Variants in LANCL2 observed in about 807,000 individuals in gnomAD.
LANCL2 encodes lanC-like protein 2.
A neutral mutation model predicts 56.9 loss-of-function variants in LANCL2; 33 were observed. The ratio of observed to expected loss-of-function variants is 0.58; its 90% CI spans 0.44 to 0.78. LANCL2 has a LOEUF of 0.78. Among genes scored for constraint, LANCL2 ranks in the 30% least tolerant of loss-of-function variants. LANCL2 has a pLI of 0.00. For synonymous variants in LANCL2, 233 were observed against 228.2 expected (o/e 1.02, Z -0.19); for missense variants, 562 against 580.2 (o/e 0.97, Z 0.32).
At chr7:55,415,002 GAA>G (rs397824594) in intron 6 of LANCL2, among the ~76,000 whole-genome samples, 4 of 116,302 alleles carry the variant, frequency 3.4e-5, no homozygotes, top group African/African-American at 1.0e-4. Context: ...AAAAAAAAAA[GAA>G]AAGAAAAGAA....
At chr7:55,421,135 A>G (rs1193999831) in intron 6 of LANCL2, among the ~76,000 whole-genome samples, 1 of 152,160 alleles carries the variant, frequency 6.6e-6, no homozygotes, top group Non-Finnish European at 1.5e-5. Flanking sequence ...CTAGTCTAAT[A>G]ATCTCAGTGT....
chr7:55,368,964 G>A (rs1789906826), intron 1 of LANCL2, among the ~76,000 whole-genome samples: 1 of 152,178 alleles, frequency 6.6e-6, no homozygotes, highest in South Asian at 2.1e-4. Context: ...GGGCAACATA[G>A]TGAGACCCTG....
In LANCL2 at chr7:55,401,289, G is replaced by A; in HGVS notation, c.794G>A (p.Gly265Asp). The A allele has an allele frequency of 6.2e-7, 1 of 1,614,046 alleles. No individual in the cohort carries two copies. Among genetic ancestry groups the A allele is most frequent in the Non-Finnish European group, 8.5e-7 (1 of 1,179,944 alleles). Residue 265 changes from glycine to aspartate, a missense_variant, in exon 5 of 9, where the codon GGC becomes GAC. This residue lies in a region of LANCL2 where 378 missense variants were observed against 468.4 expected (regional missense o/e 0.81). Coordinates refer to ENST00000254770, the MANE Select transcript of LANCL2 (RefSeq NM_018697.4). ...AAGCAGTACGTTGGAGCAGCCCATGGCATGGCTGGAATTTACTATATGTTA... is the reference window on the plus strand; with the variant it reads ...AAGCAGTACGTTGGAGCAGCCCATGACATGGCTGGAATTTACTATATGTTA... The part of the protein sequence containing the change: ...HRKQYVGAAH[G>D]MAGIYYMLMQ...
At chr7:55,381,213 G>A (rs1562858147) in intron 1 of LANCL2, among the ~76,000 whole-genome samples, 1 of 152,194 alleles carries the variant, frequency 6.6e-6, no homozygotes, top group Non-Finnish European at 1.5e-5. Flanking sequence ...TGCATTCCCT[G>A]TGAAGGAAGT....
At chr7:55,379,912 C>T (rs1790047214) in intron 1 of LANCL2, 1 of 152,208 alleles carries the variant, frequency 6.6e-6, no homozygotes, top group Non-Finnish European at 1.5e-5. Context: ...AATATTGATA[C>T]TGTGTTTTTT....
chr7:55,378,907 C>T (rs1379379041), intron 1 of LANCL2, among the ~76,000 whole-genome samples: 2 of 152,100 alleles, frequency 1.3e-5, no homozygotes, highest in Non-Finnish European at 2.9e-5. Context: ...CCGAGGCAGG[C>T]GGATCACGAG....
At chr7:55,411,884 G>A (rs1790473794) in intron 5 of LANCL2, 23 bp from the exon 6 acceptor site, 1 of 1,589,910 alleles carries the variant, frequency 6.3e-7, no homozygotes, top group Non-Finnish European at 8.6e-7. Context: ...AATAATTTGT[G>A]TTTCATTTTT....
intron 6 of LANCL2, among the ~76,000 whole-genome samples, chr7:55,419,292 T>C (rs1037887652): frequency 2.0e-5 from 3 of 152,078 alleles, no homozygotes; most frequent in African/African-American, 7.2e-5. Context: ...TTCAATATGT[T>C]TTCTCATTTT....
intron 1 of LANCL2, among the ~76,000 whole-genome samples, chr7:55,387,482 A>G (rs1299927731): frequency 3.3e-5 from 5 of 152,156 alleles, no homozygotes; most frequent in Non-Finnish European, 7.4e-5. Flanking sequence ...AGTGGGACAC[A>G]GCAAACTGGG....
intron 7 of LANCL2, 198 bp from the exon 8 acceptor site, chr7:55,428,177 C>A: frequency 1.7e-6 from 1 of 602,672 alleles, no homozygotes; most frequent in Non-Finnish European, 3.0e-6. Context: ...CCCCACTCTA[C>A]AGCTGAGGCA....
intron 5 of LANCL2, among the ~76,000 whole-genome samples, chr7:55,404,663 G>C (rs1376133601): frequency 6.6e-6 from 1 of 151,646 alleles, no homozygotes; most frequent in Non-Finnish European, 1.5e-5. Context: ...GCCCAGGCTG[G>C]AGTGCAGTGG....
intron 5 of LANCL2, among the ~76,000 whole-genome samples, chr7:55,410,698 A>G (rs2128995111): frequency 6.6e-6 from 1 of 152,346 alleles, no homozygotes; most frequent in South Asian, 2.1e-4. Flanking sequence ...CACTTTAAAG[A>G]CATTGTGTGG....
At chr7:55,403,261 C>T (rs1410092114) in intron 5 of LANCL2, among the ~76,000 whole-genome samples, 3 of 152,244 alleles carry the variant, frequency 2.0e-5, no homozygotes, top group African/African-American at 4.8e-5. Context: ...GCCAACACAG[C>T]GAAACCCCGT....
At chr7:55,403,569 G>GTTTTTTTT (rs34481346) in intron 5 of LANCL2, among the ~76,000 whole-genome samples, 8 of 99,484 alleles carry the variant, frequency 8.0e-5, no homozygotes, top group African/African-American at 1.2e-4. Flanking sequence ...TTTGTTTGTT[G>GTTTTTTTT]TTTTTTTTTT....
At chr7:55,390,593 A>G (rs1790176248) in intron 1 of LANCL2, among the ~76,000 whole-genome samples, 1 of 152,110 alleles carries the variant, frequency 6.6e-6, no homozygotes, top group South Asian at 2.1e-4. Flanking sequence ...GTGACGAGCG[A>G]AACTCTGTCT....
At chr7:55,426,925 G>A (rs979708330) in intron 7 of LANCL2, among the ~76,000 whole-genome samples, 5 of 152,194 alleles carry the variant, frequency 3.3e-5, no homozygotes, top group African/African-American at 1.2e-4. Flanking sequence ...ACCGCAGGAG[G>A]GGTGAGACGC....
chr7:55,366,852 T>C (rs1425033191), intron 1 of LANCL2, among the ~76,000 whole-genome samples: 1 of 152,182 alleles, frequency 6.6e-6, no homozygotes, highest in Non-Finnish European at 1.5e-5. Context: ...CCAAATACTT[T>C]TGTGCTAGGC....
chr7:55,403,569 G>GT (rs34481346), intron 5 of LANCL2, among the ~76,000 whole-genome samples: 1,511 of 99,506 alleles, frequency 0.015, 61 homozygotes, highest in African/African-American at 0.038. Flanking sequence ...TTTGTTTGTT[G>GT]TTTTTTTTTT....
chr7:55,374,444 T>TA (rs1392107101), intron 1 of LANCL2, among the ~76,000 whole-genome samples: 2 of 152,220 alleles, frequency 1.3e-5, no homozygotes, highest in African/African-American at 4.8e-5. Flanking sequence ...GTTATCTTGA[T>TA]AGAGTCAGTT....
Sources: gnomAD v4.1 joint callset for allele counts (sites outside exome capture counted in the v4.1 genomes callset) on GRCh38, gnomAD v4.1.1 for gene constraint, gnomAD v4.1.1 regional missense constraint, MANE v1.5 for transcripts, NCBI Gene and HGNC (gene_info 2026-07-23, HGNC 2026-07-21) for gene names.